Variants in ANO7 observed in about 807,000 individuals in gnomAD.
The protein encoded by ANO7 is anoctamin-7.
In ANO7, 114 loss-of-function variants were observed where a neutral mutation model predicts 115.8. That is an observed-to-expected ratio of 0.98 (90% CI 0.85 to 1.15). The LOEUF is 1.15. Ranked by LOEUF, ANO7 falls within the 50% of genes most tolerant of loss-of-function variation. The pLI is 0.00. For missense variants in ANO7, 1,302 were observed against 1,201.2 expected (o/e 1.08, Z -1.24); for synonymous variants, 550 against 498.2 (o/e 1.10, Z -1.38).
rs2068737769 is a variant in ANO7 at position 241,212,452 on chromosome 2, C to T, written c.1674-120C>T. On this transcript the variant is annotated intron_variant, in intron 16 of 24. Coordinates refer to ENST00000674324, the MANE Select transcript of ANO7 (RefSeq NM_001370694.2). The stretch of plus-strand genomic sequence containing the variant: ...CCCAGCTCACAACCGGGACTCTACG[C>T]CACAGTTCGTGCTTCCTCCAGGGCA... 30 of 1,171,000 alleles carry T rather than the reference C, an allele frequency of 2.6e-5. No individual in the cohort carries two copies. The South Asian group carries it at 3.9e-4, about 15-fold the overall frequency. The allele number at this position is 1,171,000 out of a possible 1,614,324, so 72.5% of individuals were successfully genotyped here.
the ANO7 span, chr2:241,236,372 A>G: frequency 3.7e-6 from 2 of 546,512 alleles, no homozygotes; most frequent in African/African-American, 1.9e-5. Flanking sequence ...GAGAGGCCGG[A>G]TCCCATGCAG....
chr2:241,210,645 C>A (rs1266854452), intron 15 of ANO7, 75 bp downstream of exon 15: 4 of 1,141,892 alleles, frequency 3.5e-6, no homozygotes, highest in Non-Finnish European at 5.3e-6. Flanking sequence ...GTGACTTTCT[C>A]ACTCACTGAC....
At chr2:241,226,966 G>C (rs2069200986), downstream of ANO7, among the ~76,000 whole-genome samples, 1 of 152,206 alleles carries the variant, frequency 6.6e-6, no homozygotes, top group Non-Finnish European at 1.5e-5. Context: ...AGGGTGCCAG[G>C]AATGCCACTG....
At chr2:241,212,423 GAGGCCC>G in intron 16 of ANO7, 143 bp from the exon 17 acceptor site, 1 of 995,960 alleles carries the variant, frequency 1.0e-6, no homozygotes, top group Non-Finnish European at 1.6e-6. Context: ...GGGTCCACAG[GAGGCCC>G]AGCTCACAAC....
chr2:241,234,703 G>A, the ANO7 span, among the ~76,000 whole-genome samples: 1 of 152,302 alleles, frequency 6.6e-6, no homozygotes, highest in African/African-American at 2.4e-5. Context: ...CAGAGGTTGG[G>A]GGGGTTTCAT....
chr2:241,212,235 G>T (rs1431196752), intron 16 of ANO7, 30 bp downstream of exon 16: 1 of 1,559,524 alleles, frequency 6.4e-7, no homozygotes. Flanking sequence ...TCTGGCCACA[G>T]CTTGTCCCGG....
downstream of ANO7, chr2:241,230,288 G>T: frequency 7.0e-7 from 1 of 1,431,112 alleles, no homozygotes. The surrounding 1 kb of genome is among the most constrained non-coding windows in gnomAD (Gnocchi z 5.0). Flanking sequence ...GGTGTACAAC[G>T]TCAGATGAGG....
At chr2:241,204,047 G>A (rs13413022) in intron 9 of ANO7, among the ~76,000 whole-genome samples, 10 of 152,270 alleles carry the variant, frequency 6.6e-5, no homozygotes, top group African/African-American at 9.6e-5. Flanking sequence ...CAGCCCCACC[G>A]TGGACCCAGA....
At chr2:241,192,381 C>T (rs1559438025) in intron 3 of ANO7, among the ~76,000 whole-genome samples, 1 of 152,144 alleles carries the variant, frequency 6.6e-6, no homozygotes, top group Non-Finnish European at 1.5e-5. Flanking sequence ...ACTTTCTTTT[C>T]TCACAGTCTT....
rs1021990841 is a variant in ANO7, at chr2:241,209,654, C to T, written c.1359+19C>T. The T allele has an allele frequency of 5.3e-6, 8 of 1,522,058 alleles. No homozygotes were observed. In the African/African-American group the frequency reaches 1.1e-4, roughly 21 times the overall value. 94.3% of individuals were successfully genotyped at this position (1,522,058 alleles called of 1,614,324 possible). ...GGTGATGGTATGCGGTCCCCCTGCC[C>T]TCCGCTCACGCCTCCATCCTCCTGC... On this transcript the variant is annotated intron_variant, in intron 13 of 24. Transcript: ENST00000674324.
the ANO7 span, among the ~76,000 whole-genome samples, chr2:241,232,991 G>A: frequency 1.4e-5 from 2 of 142,490 alleles, no homozygotes; most frequent in Non-Finnish European, 3.1e-5. Flanking sequence ...GGAAGAAGGG[G>A]AAGGGGAAGG....
chr2:241,240,151 C>T, the ANO7 span: 1 of 1,606,888 alleles, frequency 6.2e-7, no homozygotes, highest in Non-Finnish European at 8.5e-7. This position sits in a 1 kb window ranked among gnomAD's most constrained non-coding sequence, Gnocchi z 5.5. Context: ...CTGTGTTAGC[C>T]TGACACCACG....
At position 241,203,449 on chromosome 2, in the gene ANO7, C is replaced by T. The variant is rs565229836; in HGVS notation, c.840C>T (p.His280=). 2.3e-4 allele frequency: 366 copies of T among 1,580,354 alleles called. 2 individuals are homozygous for T. Among genetic ancestry groups the T allele is most frequent in the South Asian group, 1.9e-3 (169 of 86,858 alleles). ...GGAACAAGTACCAGCCCCTGGACCACGTGCGCAGGTACTTCGGGGAGAAGG... is the reference window on the plus strand; with the variant it reads ...GGAACAAGTACCAGCCCCTGGACCATGTGCGCAGGTACTTCGGGGAGAAGG... ...GKWNKYQPLD[H]VRRYFGEKVA... The change falls in exon 9 of 25, where the codon CAC becomes CAT. Residue 280 remains histidine, a synonymous_variant. Coordinates refer to ENST00000674324, the MANE Select transcript of ANO7 (RefSeq NM_001370694.2). The surrounding 1 kb of genome is among the most constrained non-coding windows in gnomAD (Gnocchi z 4.8).
chr2:241,218,469 GAGCCGGGA>G, intron 21 of ANO7, 88 bp downstream of exon 21: 1 of 1,150,946 alleles, frequency 8.7e-7, no homozygotes, highest in Non-Finnish European at 1.1e-6. Context: ...CGGCGGTGGG[GAGCCGGGA>G]GGGGCGGGCG....
the ANO7 span, chr2:241,238,516 G>A: frequency 1.5e-6 from 1 of 686,958 alleles, no homozygotes; most frequent in Non-Finnish European, 2.3e-6. This position sits in a 1 kb window ranked among gnomAD's most constrained non-coding sequence, Gnocchi z 4.9. Flanking sequence ...CTGAACCTCT[G>A]GAAGCCCCCA....
chr2:241,207,178 GGTC>G (rs2149201730), intron 10 of ANO7, among the ~76,000 whole-genome samples: 2 of 25,544 alleles, frequency 7.8e-5, no homozygotes, highest in South Asian at 2.0e-3. Context: ...TGACACAGGT[GGTC>G]AGGAGTGCTC....
At chr2:241,218,498 A>T in intron 21 of ANO7, 117 bp downstream of exon 21, 55 of 421,502 alleles carry the variant, frequency 1.3e-4, no homozygotes, top group East Asian at 3.2e-4. Flanking sequence ...CCGCCGGGCA[A>T]GGCCGGGGGA....
chr2:241,235,779 C>T, the ANO7 span: 1 of 574,320 alleles, frequency 1.7e-6, no homozygotes, highest in East Asian at 2.8e-5. Flanking sequence ...TTGCATTAGG[C>T]TAATGCTGGC....
chr2:241,223,938 C>A lies in ANO7; in HGVS notation c.2566C>A (p.Gln856Lys), dbSNP rs1284727800. 5 of 1,609,668 alleles carry A rather than the reference C, an allele frequency of 3.1e-6. No homozygotes were observed. The highest frequency in any genetic ancestry group is 4.2e-6 in the Non-Finnish European group (5 of 1,179,998). ...TGGAACGAACGGAACAAAGGATGAG[C>A]AGCCCGAGGGCTCAGAGGCAAGTCT... ...LFGTNGTKDE[Q>K]PEGSELSSHW... The change falls in exon 24 of 25, where the codon CAG (glutamine) becomes AAG (lysine). Residue 856 changes from glutamine to lysine, a missense_variant. Transcript: ENST00000674324.
Sources: allele counts gnomAD v4.1 joint callset (sites outside exome capture counted in the v4.1 genomes callset), GRCh38; gene constraint gnomAD v4.1.1; non-coding constraint Gnocchi (gnomAD v3.1); transcripts MANE v1.5; gene names NCBI Gene and HGNC (gene_info 2026-07-23, HGNC 2026-07-21).